BCORL1: variants seen among roughly 807,000 people sequenced by gnomAD.
The protein encoded by BCORL1 is BCL-6 corepressor-like protein 1.
In BCORL1, 7 loss-of-function variants were observed where a neutral mutation model predicts 87.6. That is an observed-to-expected ratio of 0.08 (90% CI 0.05 to 0.15). The LOEUF (loss-of-function observed/expected upper bound fraction) is 0.15, where lower values mean the gene tolerates loss of function less well. BCORL1 is among the 10% of genes least tolerant of loss of function. The probability of loss-of-function intolerance (pLI) is 1.00; values close to 1 mark genes in which losing one functional copy is unlikely to be tolerated. For missense variants in BCORL1, 1,215 were observed against 1,499.7 expected (o/e 0.81, Z 3.13); for synonymous variants, 591 against 634.4 (o/e 0.93, Z 1.03).
intron 4 of BCORL1, among the ~76,000 whole-genome samples, chrX:130,020,736 C>A (rs750412779): frequency 9.0e-6 from 1 of 111,607 alleles, no homozygotes. Context: ...GGCTTTTGAA[C>A]GCAGACTCTG....
chrX:129,983,911 G>A (rs1385206098), intron 1 of BCORL1, among the ~76,000 whole-genome samples: 13 of 109,788 alleles, frequency 1.2e-4, no homozygotes, highest in South Asian at 1.2e-3. Flanking sequence ...GCCGGGTTTC[G>A]GGATCAGGGG....
chrX:130,014,869 G>C lies in BCORL1; in HGVS notation c.2097G>C (p.Pro699=). The stretch of plus-strand genomic sequence containing the variant: ...CCGAGATCGTGAGGAATGGGGACCC[G>C]AGCACCTGGGTGAAGAACTCAACTG... ...IFPEIVRNGD[P]STWVKNSTAL... is the part of the protein sequence containing the mutation. Residue 699 remains proline, a synonymous_variant, in exon 4 of 14, where the codon CCG becomes CCC. Coordinates refer to ENST00000540052, the MANE Select transcript of BCORL1 (RefSeq NM_001379451.1). 1 of 1,211,352 alleles carries C rather than the reference G, an allele frequency of 8.3e-7. No homozygotes were observed. Among genetic ancestry groups the C allele is most frequent in the Non-Finnish European group, 1.1e-6 (1 of 895,413 alleles).
intron 11 of BCORL1, among the ~76,000 whole-genome samples, chrX:130,047,303 G>A (rs1931813055): frequency 9.0e-6 from 1 of 111,034 alleles, no homozygotes; most frequent in African/African-American, 3.3e-5. Context: ...AAGAGAAAAG[G>A]GCTGGAAGCG....
intron 11 of BCORL1, among the ~76,000 whole-genome samples, chrX:130,043,808 G>T (rs1931557545): frequency 2.4e-5 from 1 of 40,994 alleles, no homozygotes; most frequent in Non-Finnish European, 3.7e-5. Context: ...TTTTTTTTGA[G>T]ACGGAGGCTG....
At chrX:130,001,093 C>CT (rs992346428) in intron 1 of BCORL1, among the ~76,000 whole-genome samples, 2 of 109,819 alleles carry the variant, frequency 1.8e-5, no homozygotes, top group Admixed American at 9.7e-5. Context: ...TTTTCTTTTT[C>CT]TTTTTTTTGT....
chrX:130,009,149 C>G (rs1189340984), intron 2 of BCORL1, among the ~76,000 whole-genome samples: 1 of 111,065 alleles, frequency 9.0e-6, no homozygotes, highest in Non-Finnish European at 1.9e-5. Flanking sequence ...GAGGTGAGAG[C>G]TGGTATTTCC....
chrX:130,020,919 C>T (rs1278755951), intron 4 of BCORL1, 66 bp from the exon 5 acceptor site: 1 of 1,079,099 alleles, frequency 9.3e-7, no homozygotes, highest in Non-Finnish European at 1.2e-6. Context: ...ACACATGGCT[C>T]AACCCCTGGA....
intron 13 of BCORL1, 142 bp from the exon 14 acceptor site, chrX:130,055,712 C>T (rs1932336299): frequency 3.1e-6 from 2 of 654,661 alleles, no homozygotes; most frequent in African/African-American, 2.2e-5. Flanking sequence ...TAGCAGGGGA[C>T]GGGGGAGCCA....
chrX:130,031,382 C>T (rs1930592916), intron 8 of BCORL1, among the ~76,000 whole-genome samples: 1 of 112,695 alleles, frequency 8.9e-6, no homozygotes. Context: ...GAGCCCTCAT[C>T]TTCTGTTCTC....
chrX:130,020,987 C>T lies in BCORL1; in HGVS notation c.3444C>T (p.Cys1148=). ...AVVRSSHRPK[C]RKLPSDPQES... ...CCTGACCCTCTACCTCTCCACAGTG[C>T]CGGAAGCTGCCCAGTGACCCCCAGG... is the stretch of plus-strand genomic sequence containing the variant. The change falls in exon 5 of 14, where the codon TGC becomes TGT. Residue 1148 remains cysteine (C), a splice_region_variant and synonymous_variant. Transcript: ENST00000540052. 1 of 1,167,638 alleles carries T rather than the reference C, an allele frequency of 8.6e-7. No homozygotes were observed. Among genetic ancestry groups the T allele is most frequent in the Non-Finnish European group, 1.1e-6 (1 of 879,765 alleles).
At chrX:130,024,664 T>C (rs933569395) in intron 6 of BCORL1, among the ~76,000 whole-genome samples, 3 of 111,456 alleles carry the variant, frequency 2.7e-5, no homozygotes, top group Non-Finnish European at 5.6e-5. Context: ...TGGATTCAGG[T>C]GACACTGTAA....
chrX:130,025,207 C>T lies in BCORL1; in HGVS notation c.3906C>T (p.Pro1302=). ...ACCTGTGGCGAGCCCGAGAAATGCC[C>T]TGGAGGACAGAGGCTGCCCGGCAAA... ...RRHLWRAREM[P]WRTEAARQMW... The change falls in exon 7 of 14, where the codon CCC becomes CCT. Residue 1302 remains proline, a synonymous_variant. Coordinates refer to ENST00000540052, the MANE Select transcript of BCORL1 (RefSeq NM_001379451.1). 2 of 1,211,333 alleles carry T rather than the reference C, an allele frequency of 1.7e-6. No homozygotes were observed. The highest frequency in any genetic ancestry group is 1.1e-6 in the Non-Finnish European group (1 of 895,226).
At chrX:129,981,909 G>A (rs1161496159), upstream of BCORL1, 2 of 89,010 alleles carry the variant, frequency 2.2e-5, no homozygotes, top group African/African-American at 8.3e-5. Flanking sequence ...GGGAGATGGG[G>A]GGGTGGCGAC....
chrX:130,042,623 C>T (rs1207709359), intron 11 of BCORL1, among the ~76,000 whole-genome samples: 1 of 112,113 alleles, frequency 8.9e-6, no homozygotes, highest in East Asian at 2.8e-4. Flanking sequence ...GAGGACAGCA[C>T]TCAGGGACTT....
chrX:130,012,060 T>G (rs1929017586), intron 2 of BCORL1, among the ~76,000 whole-genome samples: 1 of 112,261 alleles, frequency 8.9e-6, no homozygotes, highest in Non-Finnish European at 1.9e-5. Flanking sequence ...GATTCAGATT[T>G]AGACCTGAAA....
upstream of BCORL1, among the ~76,000 whole-genome samples, chrX:129,982,252 T>C (rs1926168427): frequency 9.0e-6 from 1 of 111,044 alleles, no homozygotes; most frequent in Non-Finnish European, 1.9e-5. Context: ...CGCCTCCGCC[T>C]CTCCCAGGAG....
At chrX:130,023,043 T>C (rs1929965986) in intron 6 of BCORL1, 66 bp downstream of exon 6, 4 of 992,376 alleles carry the variant, frequency 4.0e-6, no homozygotes, top group Non-Finnish European at 4.3e-6. Context: ...GAAATCTGGT[T>C]GAGCAGTTTT....
At chrX:130,046,295 A>T (rs1214579079) in intron 11 of BCORL1, among the ~76,000 whole-genome samples, 1 of 111,574 alleles carries the variant, frequency 9.0e-6, no homozygotes, top group Non-Finnish European at 1.9e-5. Context: ...TCAAAAAAAT[A>T]AAAACAAAGC....
intron 12 of BCORL1, 145 bp from the exon 13 acceptor site, chrX:130,051,715 C>A: frequency 2.0e-6 from 1 of 510,741 alleles, no homozygotes. Flanking sequence ...AACCGGCAAA[C>A]CGCATCCCTG....
Sources: allele counts gnomAD v4.1 joint callset (sites outside exome capture counted in the v4.1 genomes callset), GRCh38; gene constraint gnomAD v4.1.1; transcripts MANE v1.5; gene names NCBI Gene and HGNC (gene_info 2026-07-23, HGNC 2026-07-21).